CRADD: variants seen among roughly 807,000 people sequenced by gnomAD.
The protein encoded by CRADD is death domain-containing protein CRADD.
Under a neutral mutation model 15.5 loss-of-function variants are expected in CRADD, and 9 were observed. The ratio of observed to expected loss-of-function variants is 0.58; its 90% confidence interval spans 0.35 to 1.01. The LOEUF (loss-of-function observed/expected upper bound fraction) is 1.01. CRADD is among the 50% of genes least tolerant of loss of function. The pLI is 0.02. For synonymous variants in CRADD, 118 were observed against 107.6 expected (o/e 1.10, Z -0.60); for missense variants, 227 against 250.3 (o/e 0.91, Z 0.63).
intron 2 of CRADD, among the ~76,000 whole-genome samples, chr12:93,743,220 G>A (rs1049637782): frequency 9.9e-5 from 15 of 152,104 alleles, no homozygotes; most frequent in Non-Finnish European, 4.4e-5. Flanking sequence ...ACAATATAGA[G>A]GTTTTTTAGG....
chr12:93,810,982 G>A (rs1468027234), intron 2 of CRADD, among the ~76,000 whole-genome samples: 1 of 152,194 alleles, frequency 6.6e-6, no homozygotes, highest in Non-Finnish European at 1.5e-5. Context: ...TAGTTTATAG[G>A]TATGAGCCTG....
At chr12:93,695,103 G>A (rs1004703479) in intron 2 of CRADD, among the ~76,000 whole-genome samples, 4 of 152,150 alleles carry the variant, frequency 2.6e-5, no homozygotes, top group African/African-American at 9.7e-5. Context: ...ACAGCATGGT[G>A]TTGGCATAAA....
At chr12:93,717,415 C>T (rs976753776) in intron 2 of CRADD, among the ~76,000 whole-genome samples, 2 of 152,228 alleles carry the variant, frequency 1.3e-5, no homozygotes, top group South Asian at 2.1e-4. Context: ...GGATTTCTGC[C>T]TTTGGTGTTA....
intron 2 of CRADD, among the ~76,000 whole-genome samples, chr12:93,751,897 T>A (rs1956832709): frequency 6.6e-6 from 1 of 152,208 alleles, no homozygotes; most frequent in African/African-American, 2.4e-5. Context: ...ATCTTTACTT[T>A]GCTCCTTTCA....
At chr12:93,717,314 C>T (rs73361529) in intron 2 of CRADD, among the ~76,000 whole-genome samples, 5,794 of 152,144 alleles carry the variant, frequency 0.038, 334 homozygotes, top group African/African-American at 0.13. Context: ...TTTTTCTAGT[C>T]TAACTCATCT....
At chr12:93,842,127 T>C (rs1958055928) in intron 2 of CRADD, among the ~76,000 whole-genome samples, 1 of 25,218 alleles carries the variant, frequency 4.0e-5, no homozygotes. Flanking sequence ...GCACCTCTTC[T>C]TAGCCGTTGG....
intron 2 of CRADD, among the ~76,000 whole-genome samples, chr12:93,794,137 A>G (rs1957384443): frequency 1.3e-5 from 2 of 152,104 alleles, no homozygotes; most frequent in South Asian, 4.1e-4. Context: ...GTGCACCCAC[A>G]TGTTCTCATT....
At chr12:93,799,529 C>G (rs1441621532) in intron 2 of CRADD, among the ~76,000 whole-genome samples, 1 of 152,206 alleles carries the variant, frequency 6.6e-6, no homozygotes, top group African/African-American at 2.4e-5. Context: ...TAGCATGTAA[C>G]TGTAAGCATG....
intron 2 of CRADD, among the ~76,000 whole-genome samples, chr12:93,812,522 C>CAA (rs34615107): frequency 4.8e-5 from 6 of 124,446 alleles, no homozygotes; most frequent in South Asian, 2.6e-4. Flanking sequence ...TAAAAAAATA[C>CAA]AAAAAAAAAA....
At chr12:93,819,984 A>T (rs527652951) in intron 2 of CRADD, among the ~76,000 whole-genome samples, 100 of 152,318 alleles carry the variant, frequency 6.6e-4, no homozygotes, top group Non-Finnish European at 1.2e-3. Flanking sequence ...TCACATGTTC[A>T]AAAGTCATCT....
intron 2 of CRADD, among the ~76,000 whole-genome samples, chr12:93,723,480 G>A (rs1040789393): frequency 1.3e-5 from 2 of 152,074 alleles, no homozygotes; most frequent in Non-Finnish European, 1.5e-5. Flanking sequence ...GACAAACTTC[G>A]ACTCCCTATG....
At chr12:93,788,944 A>G (rs547395790) in intron 2 of CRADD, among the ~76,000 whole-genome samples, 2 of 151,714 alleles carry the variant, frequency 1.3e-5, no homozygotes, top group South Asian at 4.2e-4. Context: ...AAATAGAAGC[A>G]CCTCTCCTTC....
intron 2 of CRADD, among the ~76,000 whole-genome samples, chr12:93,800,718 T>G (rs1273047218): frequency 6.6e-6 from 1 of 152,186 alleles, no homozygotes; most frequent in Non-Finnish European, 1.5e-5. Flanking sequence ...TTACCCAGTC[T>G]CAGGTAGTAT....
At chr12:93,747,252 T>G (rs1956766784) in intron 2 of CRADD, among the ~76,000 whole-genome samples, 1 of 151,340 alleles carries the variant, frequency 6.6e-6, no homozygotes, top group African/African-American at 2.4e-5. Context: ...CAGGCTGGAG[T>G]CAGAGCAGAA....
intron 2 of CRADD, among the ~76,000 whole-genome samples, chr12:93,685,083 A>C (rs1955401045): frequency 6.6e-6 from 1 of 152,228 alleles, no homozygotes; most frequent in African/African-American, 2.4e-5. Context: ...CAGTTCGGTA[A>C]GAATGATAGG....
chr12:93,724,902 C>A (rs1478595745), intron 2 of CRADD, among the ~76,000 whole-genome samples: 1 of 151,632 alleles, frequency 6.6e-6, no homozygotes, highest in Non-Finnish European at 1.5e-5. Context: ...GCTCTGTTGC[C>A]CAGGCTGGAG....
At chr12:93,847,498 G>GAAAAA (rs11378030) in intron 2 of CRADD, among the ~76,000 whole-genome samples, 9 of 62,948 alleles carry the variant, frequency 1.4e-4, no homozygotes, top group South Asian at 1.7e-3. Flanking sequence ...AGCATTGCTT[G>GAAAAA]AAAAAAAAAA....
intron 2 of CRADD, among the ~76,000 whole-genome samples, chr12:93,798,767 A>G (rs1957447009): frequency 6.6e-6 from 1 of 152,198 alleles, no homozygotes. Context: ...CTTTGGCAAG[A>G]ACTTCCCCTC....
At chr12:93,855,853 C>T (rs1172683994) in intron 2 of CRADD, among the ~76,000 whole-genome samples, 4 of 152,214 alleles carry the variant, frequency 2.6e-5, no homozygotes, top group African/African-American at 7.2e-5. Context: ...GAGTCTTGCT[C>T]TGTCGCCAGG....
Sources: gnomAD v4.1 joint callset for allele counts (sites outside exome capture counted in the v4.1 genomes callset) on GRCh38, gnomAD v4.1.1 for gene constraint, MANE v1.5 for transcripts, NCBI Gene and HGNC (gene_info 2026-07-23, HGNC 2026-07-21) for gene names.